OR6J1: variants seen among roughly 807,000 people sequenced by gnomAD.
OR6J1 encodes the protein olfactory receptor 6J1.
For missense variants in OR6J1, 304 were observed against 166.8 expected, an observed-to-expected ratio of 1.82 and a Z score of -4.53; for synonymous variants, 109 against 70.0, an observed-to-expected ratio of 1.56 and a Z score of -2.78.
Position 22,634,422 on chromosome 14 carries a change from C to A in OR6J1, c.390G>T (p.Arg130=), listed in dbSNP as rs1264789510. 2 of 703,220 alleles carry A rather than the reference C, an allele frequency of 2.8e-6. No homozygotes were observed. Among genetic ancestry groups the A allele is most frequent in the African/African-American group, 3.5e-5 (2 of 57,218 alleles). The allele number at this position is 703,220 out of a possible 1,614,324, so 43.6% of individuals were successfully genotyped here. ...DRYATICCPL[R]YTTIMRPSVC... ...CAGAAGGTCTCATGATGGTGGTGTACCGCAGGGGGCAGCAGATGGTGGCAT... is the reference window on the plus strand; with the variant it reads ...CAGAAGGTCTCATGATGGTGGTGTAACGCAGGGGGCAGCAGATGGTGGCAT... The change falls in exon 2 of 2, where the codon CGG becomes CGT. Residue 130 remains arginine, a synonymous_variant. Transcript: ENST00000540461.
chr14:22,643,020 T>G (rs551279121), intron 1 of OR6J1, among the ~76,000 whole-genome samples: 5 of 151,152 alleles, frequency 3.3e-5, no homozygotes, highest in East Asian at 2.0e-4. Context: ...CAGGCTGGAG[T>G]GCAATGGTGC....
rs67435807 is a variant in OR6J1, at chr14:22,632,845, G to A, written c.*923C>T. On this transcript the variant is annotated 3_prime_UTR_variant, in exon 2 of 2. Transcript: ENST00000540461. ...TGTGCCTTTGTGTTGTGAGTGGGCT[G>A]TCATCTCTCTCTTCTCTGTTTTTCT... 35,183 of 151,920 alleles carry A rather than the reference G, an allele frequency of 0.23. 4,321 individuals carry two copies. The highest frequency in any genetic ancestry group is 0.32 in the African/African-American group (13,234 of 41,336). 9.4% of individuals were successfully genotyped at this position (151,920 alleles called of 1,614,324 possible).
chr14:22,633,834 G>T lies in OR6J1; in HGVS notation c.978C>A (p.Asn326Lys), dbSNP rs1406871939. The change falls in exon 2 of 2, where the codon AAC becomes AAA. Residue 326 changes from asparagine to lysine, a missense_variant. Transcript: ENST00000540461. ...AGCAAGCCCTTCCTTGGTGGTCTTT[G>T]TTGGAGGATAATCTGCTTCTCAGCA... ...RAVLRSRLSS[N>K]KDHQGRACSS... 2 of 702,534 alleles carry T rather than the reference G, an allele frequency of 2.8e-6. No individual in the cohort carries two copies. Among genetic ancestry groups the T allele is most frequent in the Admixed American group, 2.0e-5 (1 of 49,990 alleles). The allele number at this position is 702,534 out of a possible 1,614,324, so 43.5% of individuals were successfully genotyped here. A position where few individuals can be genotyped will look rare whatever the true frequency, so the allele number is the denominator to read the frequency against.
At chr14:22,637,648 C>T (rs867252908) in intron 1 of OR6J1, among the ~76,000 whole-genome samples, 3 of 72,474 alleles carry the variant, frequency 4.1e-5, no homozygotes, top group Admixed American at 1.1e-4. Context: ...GGGTCAGCCC[C>T]CCGCCCGGCC....
At chr14:22,634,957 A>G (rs1274579446) in intron 1 of OR6J1, 119 bp from the exon 2 acceptor site, 3 of 569,084 alleles carry the variant, frequency 5.3e-6, no homozygotes, top group Non-Finnish European at 9.3e-6. Context: ...GTGTAATGCA[A>G]GTTTAGCTTG....
intron 1 of OR6J1, among the ~76,000 whole-genome samples, chr14:22,639,300 G>A (rs1455252990): frequency 5.5e-5 from 7 of 126,600 alleles, no homozygotes; most frequent in Non-Finnish European, 9.8e-5. Context: ...CTGCCCGGCC[G>A]CCCCTACTGG....
rs1339610146 is a variant in OR6J1, at chr14:22,634,171, G to C, written c.641C>G (p.Ala214Gly). The change falls in exon 2 of 2, where the codon GCC becomes GGC. Residue 214 changes from alanine (A) to glycine (G), a missense_variant. By Grantham distance (60) the Ala-to-Gly change is moderately conservative. Coordinates refer to ENST00000540461, the MANE Select transcript of OR6J1 (RefSeq NM_001348233.2). ...MVILCCIVLV[A>G]YSYTYIILTI... ...CAAGATGATGTACGTATAGGAATAG[G>C]CCACGAGGACTATGCAGCAGAGGAT... 6 of 703,334 alleles carry C rather than the reference G, an allele frequency of 8.5e-6. No homozygotes were observed. Among genetic ancestry groups the C allele is most frequent in the Non-Finnish European group, 1.6e-5 (6 of 384,992 alleles). The allele number at this position is 703,334 out of a possible 1,614,324, so 43.6% of individuals were successfully genotyped here.
In OR6J1 at chr14:22,639,922, A is replaced by G. The variant is rs1006476108; in HGVS notation, c.-28+4176T>C. Among the ~76,000 whole-genome samples, 5 of 91,164 alleles carry G rather than the reference A, an allele frequency of 5.5e-5. 1 individual carries two copies. Among genetic ancestry groups the G allele is most frequent in the Non-Finnish European group, 1.2e-4 (5 of 43,106 alleles). 59.8% of individuals were successfully genotyped at this position (91,164 alleles called of 152,430 possible). ...TTGTTTATCTGCTGACCTTCCCTCC[A>G]CTATTGTCCCATGACCCTGCCAAAT... is the stretch of plus-strand genomic sequence containing the variant. On this transcript the variant is annotated intron_variant, in intron 1 of 1. Coordinates refer to ENST00000540461, the MANE Select transcript of OR6J1 (RefSeq NM_001348233.2).
intron 1 of OR6J1, among the ~76,000 whole-genome samples, chr14:22,641,280 A>G (rs1490428186): frequency 1.3e-5 from 1 of 75,992 alleles, no homozygotes; most frequent in African/African-American, 5.0e-5. Flanking sequence ...GAAGGAAGGA[A>G]GAAAGAGAAG....
In OR6J1 at chr14:22,632,739, A is replaced by G. The variant is rs1457504954; in HGVS notation, c.*1029T>C. ...GATTTCATTTACAGGTACAGGCAAA[A>G]CACATCAAATCCAGGAATAGGAATC... On this transcript the variant is annotated 3_prime_UTR_variant, in exon 2 of 2. Coordinates refer to ENST00000540461, the MANE Select transcript of OR6J1 (RefSeq NM_001348233.2). The G allele has an allele frequency of 6.6e-6, 1 of 152,226 alleles. No homozygotes were observed. Among genetic ancestry groups the G allele is most frequent in the African/African-American group, 2.4e-5 (1 of 41,442 alleles). The allele number at this position is 152,226 out of a possible 1,614,324, so 9.4% of individuals were successfully genotyped here. A position where few individuals can be genotyped will look rare whatever the true frequency, so the allele number is the denominator to read the frequency against.
chr14:22,634,667 G>A lies in OR6J1; in HGVS notation c.145C>T (p.Leu49=). 1.4e-6 allele frequency: 1 copy of A among 740,402 alleles called. No homozygotes were observed. Among genetic ancestry groups the A allele is most frequent in the Non-Finnish European group, 2.5e-6 (1 of 401,612 alleles). 45.9% of individuals were successfully genotyped at this position (740,402 alleles called of 1,614,324 possible). ...GGGGTGTGGAGGCGGGAGCAGGACA[G>A]CACAGTGGAGATGATGAGCAGGTTC... ...LGNLLIISTV[L]SCSRLHTPMY... Residue 49 remains leucine (L), a synonymous_variant, in exon 2 of 2, where the codon CTG becomes TTG. Transcript: ENST00000540461.
chr14:22,639,432 T>C (rs2037625355), intron 1 of OR6J1, among the ~76,000 whole-genome samples: 2 of 128,834 alleles, frequency 1.6e-5, no homozygotes, highest in Admixed American at 1.4e-4. Flanking sequence ...CGGCCGCCCC[T>C]ACTGGGAAGT....
At chr14:22,643,760 C>CAGAGAG (rs1253631755) in intron 1 of OR6J1, among the ~76,000 whole-genome samples, 2,820 of 61,442 alleles carry the variant, frequency 0.046, 46 homozygotes, top group Non-Finnish European at 0.061. Context: ...CACACACACA[C>CAGAGAG]ACACAGAGAG....
At chr14:22,635,064 G>T (rs55731710) in intron 1 of OR6J1, among the ~76,000 whole-genome samples, 35,293 of 152,064 alleles carry the variant, frequency 0.23, 4,354 homozygotes, top group African/African-American at 0.32. Flanking sequence ...TGTCATATAG[G>T]TCATATGAAC....
chr14:22,643,610 A>T (rs906616357), intron 1 of OR6J1, among the ~76,000 whole-genome samples: 2 of 151,948 alleles, frequency 1.3e-5, no homozygotes, highest in Non-Finnish European at 2.9e-5. Flanking sequence ...GTAAAGGTTC[A>T]TCTATGTTAT....
intron 1 of OR6J1, among the ~76,000 whole-genome samples, chr14:22,638,269 G>T (rs2037611318): frequency 1.6e-5 from 1 of 63,258 alleles, no homozygotes; most frequent in Middle Eastern, 5.2e-3. Flanking sequence ...TGTGTGGATA[G>T]AAGTAGACAT....
chr14:22,642,834 G>T (rs944996752), intron 1 of OR6J1, among the ~76,000 whole-genome samples: 36 of 151,870 alleles, frequency 2.4e-4, no homozygotes, highest in African/African-American at 6.3e-4. Context: ...ACAGGGTCCT[G>T]CTCTGTCAGT....
intron 1 of OR6J1, among the ~76,000 whole-genome samples, chr14:22,637,070 G>T: frequency 8.4e-6 from 1 of 119,138 alleles, no homozygotes; most frequent in East Asian, 2.1e-4. Flanking sequence ...CCGCCGCCCT[G>T]TCTGGGATGT....
Position 22,631,468 on chromosome 14 carries a change from TG to T in OR6J1, c.*2299del, listed in dbSNP as rs1172609911. ...ATTTGCTTTTGAAAGAAGAGAAATA[TG>T]GCTCTGTTCCCCCCGGCTCACCAGC... is the stretch of plus-strand genomic sequence containing the variant. On this transcript the variant is annotated 3_prime_UTR_variant, in exon 2 of 2. Transcript: ENST00000540461. 2 of 152,230 alleles carry T rather than the reference TG, an allele frequency of 1.3e-5. No homozygotes were observed. The highest frequency in any genetic ancestry group is 6.5e-5 in the Admixed American group (1 of 15,284). The allele number at this position is 152,230 out of a possible 1,614,324, so 9.4% of individuals were successfully genotyped here. A position where few individuals can be genotyped will look rare whatever the true frequency, so the allele number is the denominator to read the frequency against.
Sources: gnomAD v4.1 joint callset for allele counts (sites outside exome capture counted in the v4.1 genomes callset) on GRCh38, gnomAD v4.1.1 for gene constraint, MANE v1.5 for transcripts, NCBI Gene and HGNC (gene_info 2026-07-23, HGNC 2026-07-21) for gene names.